The following COL4A2 variants were observed in gnomAD, a reference collection of about 807,000 sequenced individuals.
COL4A2 encodes the protein collagen alpha-2(IV) chain.
COL4A2 carries 99 observed loss-of-function variants against 200.2 expected under a neutral mutation model. That is an observed-to-expected ratio of 0.49 (90% CI 0.42 to 0.58). The LOEUF is 0.58. COL4A2 is among the 20% of genes least tolerant of loss of function. COL4A2 has a pLI of 0.00. For missense variants in COL4A2, 1,950 were observed against 2,314.1 expected (o/e 0.84, Z 3.23); for synonymous variants, 897 against 900.6 (o/e 1.00, Z 0.07).
chr13:110,501,510 G>GGGCGTTCCTTGGCCTGAGGGCCT (rs1883639328), intron 40 of COL4A2, among the ~76,000 whole-genome samples, 158 bp from the exon 41 acceptor site: 1 of 151,184 alleles, frequency 6.6e-6, no homozygotes, highest in Non-Finnish European at 1.5e-5. Flanking sequence ...GGCCTCCCCA[G>GGGCGTTCCTTGGCCTGAGGGCCT]CCCCACCATG....
At chr13:110,435,565 T>G (rs909168411) in intron 12 of COL4A2, among the ~76,000 whole-genome samples, 2 of 152,250 alleles carry the variant, frequency 1.3e-5, no homozygotes, top group African/African-American at 4.8e-5. Flanking sequence ...CTCCATTTAC[T>G]GCTGTCCGTG....
intron 45 of COL4A2, among the ~76,000 whole-genome samples, chr13:110,505,132 C>T (rs1437390522): frequency 0.017 from 2,519 of 151,092 alleles, 32 homozygotes; most frequent in Non-Finnish European, 0.027. Context: ...GGGCGGATCA[C>T]AAGGGCAGGA....
At chr13:110,335,664 C>T (rs1876148599) in intron 3 of COL4A2, among the ~76,000 whole-genome samples, 1 of 152,184 alleles carries the variant, frequency 6.6e-6, no homozygotes, top group Admixed American at 6.5e-5. Flanking sequence ...GTTTCTTGTC[C>T]CTGATGTCCA....
intron 4 of COL4A2, among the ~76,000 whole-genome samples, chr13:110,378,170 T>C (rs1878321003): frequency 6.6e-6 from 1 of 152,252 alleles, no homozygotes; most frequent in African/African-American, 2.4e-5. Flanking sequence ...AGTTTTCTGC[T>C]TTCTTGGCTA....
chr13:110,425,980 G>A, intron 6 of COL4A2, among the ~76,000 whole-genome samples: 1 of 152,238 alleles, frequency 6.6e-6, no homozygotes, highest in East Asian at 1.9e-4. Context: ...GCAAGCCAGT[G>A]ATCTCGGGGC....
In COL4A2 at chr13:110,307,719, C is replaced by A; in HGVS notation, c.-44-141C>A. The stretch of plus-strand genomic sequence containing the variant: ...CGGGAGGCTCTCCTTCTTTCCGGGT[C>A]GTGGGGGGGACGGCCCTCCGGTCAC... On this transcript the variant is annotated intron_variant, in intron 1 of 47. Coordinates refer to ENST00000360467, the MANE Select transcript of COL4A2 (RefSeq NM_001846.4). The surrounding 1 kb of genome is among the most constrained non-coding windows in gnomAD (Gnocchi z 5.0). 1.3e-6 allele frequency: 1 copy of A among 752,398 alleles called. No individual in the cohort carries two copies. The highest frequency in any genetic ancestry group is 2.1e-6 in the Non-Finnish European group (1 of 476,900). 46.6% of individuals were successfully genotyped at this position (752,398 alleles called of 1,614,324 possible).
intron 4 of COL4A2, among the ~76,000 whole-genome samples, chr13:110,396,156 C>G (rs543420091): frequency 6.6e-6 from 1 of 152,206 alleles, no homozygotes; most frequent in African/African-American, 2.4e-5. Flanking sequence ...CCCGCTACCT[C>G]TCACCCCTAG....
chr13:110,465,933 G>T (rs555515191), intron 25 of COL4A2, 70 bp from the exon 26 acceptor site: 10 of 1,560,200 alleles, frequency 6.4e-6, no homozygotes, highest in South Asian at 1.2e-5. Flanking sequence ...ACACGTGCAC[G>T]CCCCAGACGA....
chr13:110,476,006 C>T (rs1206467383), intron 29 of COL4A2, among the ~76,000 whole-genome samples: 1 of 152,238 alleles, frequency 6.6e-6, no homozygotes, highest in Non-Finnish European at 1.5e-5. Context: ...ACCCGGAGAC[C>T]GTGCTGTCCA....
chr13:110,307,494 G>A lies in COL4A2; in HGVS notation c.-79G>A. 1 of 234,880 alleles carries A rather than the reference G, an allele frequency of 4.3e-6. No homozygotes were observed. The highest frequency in any genetic ancestry group is 8.2e-6 in the Non-Finnish European group (1 of 122,392). The allele number at this position is 234,880 out of a possible 1,614,324, so 14.5% of individuals were successfully genotyped here. A position where few individuals can be genotyped will look rare whatever the true frequency, so the allele number is the denominator to read the frequency against. Reference sequence around the variant, plus strand: ...GGCGGGTGCTTCTGGAAGGGCCAATGCGTTCGGGCAGCAGCCCCTGAAGCC... The same window carrying A: ...GGCGGGTGCTTCTGGAAGGGCCAATACGTTCGGGCAGCAGCCCCTGAAGCC... On this transcript the variant is annotated 5_prime_UTR_variant, in exon 1 of 48. The change abolishes an upstream ATG in the 5' untranslated region. Coordinates refer to ENST00000360467, the MANE Select transcript of COL4A2 (RefSeq NM_001846.4). The surrounding 1 kb of genome is among the most constrained non-coding windows in gnomAD (Gnocchi z 5.0).
chr13:110,473,190 T>C (rs1217253432), intron 29 of COL4A2, 40 bp downstream of exon 29: 10 of 1,540,124 alleles, frequency 6.5e-6, no homozygotes, highest in Admixed American at 2.0e-5. Context: ...CCATCCCAGA[T>C]GCACAGTGGC....
chr13:110,370,338 A>G (rs1418193419), intron 4 of COL4A2, among the ~76,000 whole-genome samples: 1 of 152,026 alleles, frequency 6.6e-6, no homozygotes, highest in Non-Finnish European at 1.5e-5. Flanking sequence ...ATCTCGACTC[A>G]ATGCAACCTC....
chr13:110,409,071 TAC>T (rs1304954856), intron 4 of COL4A2, among the ~76,000 whole-genome samples: 6 of 136,790 alleles, frequency 4.4e-5, no homozygotes, highest in Non-Finnish European at 3.1e-5. Context: ...CACACACACG[TAC>T]ACACATGCAC....
intron 39 of COL4A2, among the ~76,000 whole-genome samples, chr13:110,493,507 G>A (rs1883355599): frequency 6.6e-6 from 1 of 152,196 alleles, no homozygotes; most frequent in African/African-American, 2.4e-5. Context: ...CAGTTGCTGG[G>A]TTGAATGGAC....
At chr13:110,445,345 C>G (rs1881281176) in intron 16 of COL4A2, among the ~76,000 whole-genome samples, 1 of 152,158 alleles carries the variant, frequency 6.6e-6, no homozygotes, top group Non-Finnish European at 1.5e-5. Context: ...AAGAGGTGCC[C>G]AGCATCCTCC....
intron 3 of COL4A2, among the ~76,000 whole-genome samples, chr13:110,326,936 A>G (rs1885431487): frequency 6.6e-6 from 1 of 152,230 alleles, no homozygotes; most frequent in African/African-American, 2.4e-5. Flanking sequence ...AAGATAGACA[A>G]TAAGCTTGGC....
intron 3 of COL4A2, among the ~76,000 whole-genome samples, chr13:110,341,754 GCT>G (rs1876463916): frequency 6.6e-6 from 1 of 152,176 alleles, no homozygotes; most frequent in African/African-American, 2.4e-5. Context: ...CTTGTTTCCA[GCT>G]CTGTCTCGCT....
intron 3 of COL4A2, among the ~76,000 whole-genome samples, chr13:110,330,365 G>A (rs995156123): frequency 6.6e-6 from 1 of 152,078 alleles, no homozygotes; most frequent in African/African-American, 2.4e-5. Context: ...TTGTGTAGGT[G>A]GGTGGCGAGT....
At chr13:110,415,903 C>T (rs1450969027) in intron 4 of COL4A2, among the ~76,000 whole-genome samples, 1 of 152,262 alleles carries the variant, frequency 6.6e-6, no homozygotes. Context: ...AACACACCAT[C>T]TCAGCCATGA....
Sources: gnomAD v4.1 joint callset for allele counts (sites outside exome capture counted in the v4.1 genomes callset) on GRCh38, gnomAD v4.1.1 for gene constraint, Gnocchi (gnomAD v3.1) non-coding constraint, MANE v1.5 for transcripts, NCBI Gene and HGNC (gene_info 2026-07-23, HGNC 2026-07-21) for gene names.